The following CABLES1 variants were observed in gnomAD, a reference collection of about 807,000 sequenced individuals.
CABLES1 encodes CDK5 and ABL1 enzyme substrate 1.
In CABLES1, 36 loss-of-function variants were observed where a neutral mutation model predicts 57.8. The observed-to-expected ratio is 0.62, with a 90% CI of 0.48 to 0.82. The LOEUF (loss-of-function observed/expected upper bound fraction) is 0.82. CABLES1 is among the 40% of genes least tolerant of loss of function. The pLI is 0.00. For synonymous variants in CABLES1, 374 were observed against 363.0 expected, an observed-to-expected ratio of 1.03 and a Z score of -0.35; for missense variants, 767 against 836.6, an observed-to-expected ratio of 0.92 and a Z score of 1.03.
intron 1 of CABLES1, among the ~76,000 whole-genome samples, chr18:23,162,703 AGAG>A (rs1374062171): frequency 6.6e-6 from 1 of 152,220 alleles, no homozygotes; most frequent in Non-Finnish European, 1.5e-5. Context: ...TTAGGCTGCC[AGAG>A]GAGAAGCCAC....
At position 23,164,616 on chromosome 18, in the gene CABLES1, C is replaced by T. The variant is rs540812569; in HGVS notation, c.846-24222C>T. 5.3e-5 allele frequency among the ~76,000 whole-genome samples: 8 copies of T among 151,458 alleles called. No individual in the cohort carries two copies. In the East Asian group the frequency reaches 1.5e-3, roughly 29 times the overall value. Reference sequence around the variant, plus strand: ...TGCCAGATATTGCTCCATGCATCTGCAAATCAAATTGAGCAGAGAGTACAG... The same window carrying T: ...TGCCAGATATTGCTCCATGCATCTGTAAATCAAATTGAGCAGAGAGTACAG... On this transcript the variant is annotated intron_variant, in intron 1 of 9. Transcript: ENST00000256925.
intron 1 of CABLES1, among the ~76,000 whole-genome samples, chr18:23,142,468 A>T (rs2046863571): frequency 6.6e-6 from 1 of 152,192 alleles, no homozygotes; most frequent in African/African-American, 2.4e-5. Flanking sequence ...AGGTTTACAA[A>T]GTACTGTTGT....
rs2048225636 is a variant in CABLES1 at position 23,258,687 on chromosome 18, C to CCAGT, written c.*1323_*1326dup. The CCAGT allele has an allele frequency of 6.6e-6, 1 of 152,208 alleles. No homozygotes were observed. Among genetic ancestry groups the CCAGT allele is most frequent in the South Asian group, 2.1e-4 (1 of 4,824 alleles). 9.4% of individuals were successfully genotyped at this position (152,208 alleles called of 1,614,324 possible). ...TGCGTTTGTGTAGACGTGTGTCTCA[C>CCAGT]CAGTCACCTTTGCCCTGCATTGCTG... On this transcript the variant is annotated 3_prime_UTR_variant, in exon 10 of 10. Coordinates refer to ENST00000256925, the MANE Select transcript of CABLES1 (RefSeq NM_001100619.3).
intron 1 of CABLES1, among the ~76,000 whole-genome samples, chr18:23,156,939 G>C (rs2046969855): frequency 6.6e-6 from 1 of 152,160 alleles, no homozygotes; most frequent in Non-Finnish European, 1.5e-5. Flanking sequence ...CTAAGAAAAA[G>C]ACAAGAATGA....
chr18:23,207,885 G>A (rs2047375477), intron 3 of CABLES1, among the ~76,000 whole-genome samples: 1 of 152,128 alleles, frequency 6.6e-6, no homozygotes, highest in African/African-American at 2.4e-5. Flanking sequence ...ATGAAGAGAA[G>A]ACTAATGCCT....
At chr18:23,141,256 AGAGC>A (rs2046856026) in intron 1 of CABLES1, among the ~76,000 whole-genome samples, 1 of 152,214 alleles carries the variant, frequency 6.6e-6, no homozygotes, top group East Asian at 1.9e-4. Context: ...CAGCTGACTT[AGAGC>A]TTCTGCCTGC....
At chr18:23,217,475 C>T (rs923738056) in intron 4 of CABLES1, among the ~76,000 whole-genome samples, 13 of 152,182 alleles carry the variant, frequency 8.5e-5, no homozygotes, top group African/African-American at 3.1e-4. Flanking sequence ...CACAGTCTAC[C>T]TCTGTACTCA....
At chr18:23,143,035 C>T (rs532067329) in intron 1 of CABLES1, among the ~76,000 whole-genome samples, 2 of 152,184 alleles carry the variant, frequency 1.3e-5, no homozygotes, top group South Asian at 4.1e-4. Context: ...ACCCACCTCC[C>T]TCTGCTGTGC....
intron 1 of CABLES1, among the ~76,000 whole-genome samples, chr18:23,154,104 A>T (rs2046950455): frequency 2.1e-5 from 3 of 145,294 alleles, no homozygotes; most frequent in Non-Finnish European, 4.5e-5. Flanking sequence ...TCTTCTAATT[A>T]AAAAAAAAAT....
intron 1 of CABLES1, among the ~76,000 whole-genome samples, chr18:23,179,277 G>A (rs572015204): frequency 8.5e-4 from 129 of 152,120 alleles, no homozygotes; most frequent in African/African-American, 2.8e-3. Context: ...CAGAGACTCC[G>A]TCTAAAAAAA....
intron 4 of CABLES1, 86 bp from the exon 5 acceptor site, chr18:23,234,522 C>T: frequency 1.0e-6 from 1 of 958,186 alleles, no homozygotes; most frequent in Non-Finnish European, 1.7e-6. Context: ...ATCGGTGTGA[C>T]TGTGTTGTCT....
intron 1 of CABLES1, among the ~76,000 whole-genome samples, chr18:23,173,787 A>C (rs547860316): frequency 5.3e-5 from 8 of 152,146 alleles, no homozygotes; most frequent in African/African-American, 1.7e-4. Flanking sequence ...ACATGTCAAA[A>C]CCTGTCTTTA....
At chr18:23,238,081 G>A (rs2047649215) in intron 7 of CABLES1, among the ~76,000 whole-genome samples, 1 of 152,280 alleles carries the variant, frequency 6.6e-6, no homozygotes, top group Non-Finnish European at 1.5e-5. Flanking sequence ...GGCCGGCACA[G>A]CCGAGCGCTT....
chr18:23,245,342 T>G (rs544349371), intron 7 of CABLES1, among the ~76,000 whole-genome samples: 57 of 152,064 alleles, frequency 3.7e-4, no homozygotes, highest in African/African-American at 1.3e-3. Context: ...ACCCCATCTC[T>G]ACCAAAAAAT....
In CABLES1 at chr18:23,135,954, T is replaced by C; in HGVS notation, c.192T>C (p.Ala64=). 1 of 1,135,192 alleles carries C rather than the reference T, an allele frequency of 8.8e-7. No homozygotes were observed. The highest frequency in any genetic ancestry group is 5.0e-5 in the East Asian group (1 of 20,178). The allele number at this position is 1,135,192 out of a possible 1,614,324, so 70.3% of individuals were successfully genotyped here. Residue 64 remains alanine (A), a synonymous_variant, in exon 1 of 10, where the codon GCT becomes GCC. Coordinates refer to ENST00000256925, the MANE Select transcript of CABLES1 (RefSeq NM_001100619.3). The part of the protein sequence containing the change: ...KPRMDPRRRQ[A]ALSFLTNISL... ...GCATGGACCCGCGGCGCCGCCAGGC[T>C]GCCCTCTCCTTCCTCACCAACATCT...
chr18:23,238,389 G>A (rs544032635), intron 7 of CABLES1, among the ~76,000 whole-genome samples: 17 of 152,338 alleles, frequency 1.1e-4, no homozygotes, highest in Admixed American at 2.6e-4. Context: ...GCCACACGGC[G>A]TCAGAATGCA....
chr18:23,147,613 T>G (rs2046899605), intron 1 of CABLES1, among the ~76,000 whole-genome samples: 2 of 152,226 alleles, frequency 1.3e-5, no homozygotes, highest in African/African-American at 4.8e-5. Context: ...TTTAGTTTCA[T>G]CAGTAGTAGT....
At chr18:23,160,039 C>G (rs1041619691) in intron 1 of CABLES1, among the ~76,000 whole-genome samples, 17 of 140,922 alleles carry the variant, frequency 1.2e-4, no homozygotes, top group Non-Finnish European at 1.7e-4. Flanking sequence ...CAAGCAAGAA[C>G]TTTTTTTTTT....
intron 1 of CABLES1, among the ~76,000 whole-genome samples, chr18:23,165,413 A>G (rs2047035446): frequency 6.6e-6 from 1 of 152,042 alleles, no homozygotes; most frequent in Non-Finnish European, 1.5e-5. Flanking sequence ...TAACCATTTT[A>G]AGTGTACAGT....
Sources: allele counts gnomAD v4.1 joint callset (sites outside exome capture counted in the v4.1 genomes callset), GRCh38; gene constraint gnomAD v4.1.1; transcripts MANE v1.5; gene names NCBI Gene and HGNC (gene_info 2026-07-23, HGNC 2026-07-21).